RGPD3: variants seen among roughly 807,000 people sequenced by gnomAD.
The protein encoded by RGPD3 is RANBP2 like and GRIP domain containing 3.
A neutral mutation model predicts 154.5 loss-of-function variants in RGPD3; 62 were observed. The observed-to-expected ratio is 0.40, with a 90% CI of 0.33 to 0.50. The LOEUF (loss-of-function observed/expected upper bound fraction) is 0.50, where lower values mean the gene tolerates loss of function less well. Ranked by LOEUF, RGPD3 falls within the 20% of genes least tolerant of loss-of-function variation. The pLI, the probability that RGPD3 is intolerant of heterozygous loss-of-function variation, is 0.59. For synonymous variants in RGPD3, 308 were observed against 607.0 expected, an observed-to-expected ratio of 0.51 and a Z score of 7.24; for missense variants, 919 against 1,716.8, an observed-to-expected ratio of 0.54 and a Z score of 8.21.
In RGPD3 at chr2:106,442,433, G is replaced by T. The variant is rs999416947; in HGVS notation, c.979-1053C>A. Among the ~76,000 whole-genome samples the T allele has an allele frequency of 1.1e-4, 14 of 131,854 alleles. 2 individuals are homozygous for T. The highest frequency in any genetic ancestry group is 3.5e-4 in the African/African-American group (12 of 34,192). 86.5% of individuals were successfully genotyped at this position (131,854 alleles called of 152,430 possible). On this transcript the variant is annotated intron_variant, in intron 7 of 22. Transcript: ENST00000409886. ...ACACATTTTCAGAGTATGGATAATA[G>T]GGGATAGCACTGGAATAAATGGGAC... is the stretch of plus-strand genomic sequence containing the variant.
chr2:106,451,882 AT>A (rs1458763573), intron 6 of RGPD3, among the ~76,000 whole-genome samples: 5 of 151,638 alleles, frequency 3.3e-5, no homozygotes, highest in Admixed American at 2.0e-4. Context: ...TTATACTATT[AT>A]AAAAAAATAA....
intron 6 of RGPD3, among the ~76,000 whole-genome samples, chr2:106,449,784 G>A (rs1291927464): frequency 2.6e-5 from 4 of 151,766 alleles, no homozygotes; most frequent in South Asian, 2.1e-4. Context: ...TTGGGAGGCC[G>A]AGGCAGGCGG....
intron 1 of RGPD3, among the ~76,000 whole-genome samples, chr2:106,464,237 A>G (rs926202588): frequency 1.3e-5 from 2 of 151,356 alleles, no homozygotes; most frequent in African/African-American, 4.9e-5. Context: ...TCCCAGCTAC[A>G]GGCTGGGGCA....
At chr2:106,448,766 C>A (rs1410630305) in intron 6 of RGPD3, among the ~76,000 whole-genome samples, 8 of 152,028 alleles carry the variant, frequency 5.3e-5, no homozygotes, top group Non-Finnish European at 1.5e-5. Flanking sequence ...TCTTGGCTTA[C>A]TGCAACCTCT....
Position 106,468,292 on chromosome 2 carries a change from G to A in RGPD3, c.-4C>T, listed in dbSNP as rs377396698. On this transcript the variant is annotated 5_prime_UTR_variant, in exon 1 of 23. Transcript: ENST00000409886. ...CGTAGGCCTTGCTGCAACTCATCGC[G>A]CCACCAACCTGGCTCCCGAGATGCG... 7.9e-4 allele frequency: 1,266 copies of A among 1,603,750 alleles called. 2 individuals carry two copies. The highest frequency in any genetic ancestry group is 9.7e-4 in the Non-Finnish European group (1,136 of 1,176,584).
intron 21 of RGPD3, among the ~76,000 whole-genome samples, chr2:106,415,635 C>T (rs1289071861): frequency 3.9e-5 from 5 of 129,596 alleles, no homozygotes; most frequent in Non-Finnish European, 7.9e-5. Flanking sequence ...CGGGATCGTG[C>T]CACTGCACTC....
intron 19 of RGPD3, among the ~76,000 whole-genome samples, 171 bp downstream of exon 19, chr2:106,425,812 TTAACACAAAAA>T (rs1677176996): frequency 1.3e-5 from 1 of 74,648 alleles, no homozygotes; most frequent in South Asian, 4.9e-4. Flanking sequence ...TTCACACTTA[TTAACACAAAAA>T]TAAGGTGACT....
At chr2:106,440,430 C>A (rs1259127600) in intron 8 of RGPD3, among the ~76,000 whole-genome samples, 1 of 151,510 alleles carries the variant, frequency 6.6e-6, no homozygotes, top group Non-Finnish European at 1.5e-5. Flanking sequence ...AAAAAAAATA[C>A]AGGCAATTTT....
At chr2:106,437,760 TAGCA>T (rs1465647291) in intron 9 of RGPD3, among the ~76,000 whole-genome samples, 1 of 151,822 alleles carries the variant, frequency 6.6e-6, no homozygotes, top group Non-Finnish European at 1.5e-5. Flanking sequence ...TAACAGAAAG[TAGCA>T]AGCAAATTAT....
intron 1 of RGPD3, among the ~76,000 whole-genome samples, chr2:106,461,352 A>T (rs1266520965): frequency 2.7e-5 from 4 of 150,816 alleles, no homozygotes; most frequent in Non-Finnish European, 5.9e-5. Flanking sequence ...GAACACAAGC[A>T]CTGCAATACT....
At chr2:106,414,578 C>T (rs1275316769) in intron 21 of RGPD3, among the ~76,000 whole-genome samples, 6 of 148,912 alleles carry the variant, frequency 4.0e-5, no homozygotes, top group Admixed American at 3.4e-4. Context: ...GCTGAGATTG[C>T]ACCACTGCAC....
At chr2:106,450,881 C>A (rs1486531153) in intron 6 of RGPD3, among the ~76,000 whole-genome samples, 2 of 38,372 alleles carry the variant, frequency 5.2e-5, no homozygotes, top group Non-Finnish European at 4.8e-5. Context: ...GACTCAGTCT[C>A]AAAAAAAAAA....
chr2:106,470,481 G>C (rs1033013829), upstream of RGPD3, among the ~76,000 whole-genome samples: 1 of 152,062 alleles, frequency 6.6e-6, no homozygotes, highest in African/African-American at 2.4e-5. Context: ...GTCAATCAAC[G>C]ATGGTACTCT....
In RGPD3 at chr2:106,420,326, AATGCAAAGG is replaced by A. The variant is rs1211689550; in HGVS notation, c.4924+2708_4924+2716del. The stretch of plus-strand genomic sequence containing the variant: ...AAACAACCCATCCCCAGCCACCATT[AATGCAAAGG>A]GCAAAAAATTAGAAACAGAAAAAAC... On this transcript the variant is annotated intron_variant, in intron 20 of 22. Coordinates refer to ENST00000409886, the MANE Select transcript of RGPD3 (RefSeq NM_001144013.2). Among the ~76,000 whole-genome samples the A allele has an allele frequency of 2.0e-5, 3 of 151,320 alleles. No individual in the cohort carries two copies. The Admixed American group carries it at 2.0e-4, about 10-fold the overall frequency.
intron 7 of RGPD3, among the ~76,000 whole-genome samples, chr2:106,441,833 C>T (rs552237582): frequency 6.2e-5 from 8 of 129,932 alleles, no homozygotes; most frequent in East Asian, 2.8e-4. Flanking sequence ...CATTGCACTC[C>T]GGCCTGGGTG....
rs548662878 is a variant in RGPD3, at chr2:106,403,672, TA to T, written c.*1546del. ...ATACTCATATTCACAGTTTATAAAG[TA>T]AAAAAACTAAACTCTTCATGTCGGC... On this transcript the variant is annotated 3_prime_UTR_variant, in exon 23 of 23. Coordinates refer to ENST00000409886, the MANE Select transcript of RGPD3 (RefSeq NM_001144013.2). Among the ~76,000 whole-genome samples the T allele has an allele frequency of 2.0e-5, 3 of 152,278 alleles. No individual in the cohort carries two copies. The highest frequency in any genetic ancestry group is 4.8e-5 in the African/African-American group (2 of 41,482).
intron 22 of RGPD3, among the ~76,000 whole-genome samples, chr2:106,409,586 CT>C (rs1676609198): frequency 1.3e-5 from 2 of 151,742 alleles, no homozygotes; most frequent in African/African-American, 4.8e-5. Flanking sequence ...TTCTCTCTGT[CT>C]TTTTTAGGGG....
Position 106,415,389 on chromosome 2 carries a change from G to A in RGPD3, c.5064+461C>T, listed in dbSNP as rs370024123. On this transcript the variant is annotated intron_variant, in intron 21 of 22. Transcript: ENST00000409886. ...TCTTTATGTAATAGGTATAAAAGAAGTATTTTGGCTGGATGCGGTGGCTCA... is the reference window on the plus strand; with the variant it reads ...TCTTTATGTAATAGGTATAAAAGAAATATTTTGGCTGGATGCGGTGGCTCA... 9.9e-5 allele frequency among the ~76,000 whole-genome samples: 15 copies of A among 152,258 alleles called. No individual in the cohort carries two copies. In the East Asian group the frequency reaches 2.5e-3, roughly 25 times the overall value.
intron 22 of RGPD3, among the ~76,000 whole-genome samples, chr2:106,410,063 A>AG (rs201727103): frequency 0.01 from 1,569 of 151,736 alleles, 31 homozygotes; most frequent in African/African-American, 0.035. Context: ...CTGAGTAGAG[A>AG]GGGGGTTTCA....
Sources: gnomAD v4.1 joint callset for allele counts (sites outside exome capture counted in the v4.1 genomes callset) on GRCh38, gnomAD v4.1.1 for gene constraint, MANE v1.5 for transcripts, NCBI Gene and HGNC (gene_info 2026-07-23, HGNC 2026-07-21) for gene names.